RSPO2: variants seen among roughly 807,000 people sequenced by gnomAD.
RSPO2 encodes the protein R-spondin-2.
In RSPO2, 14 loss-of-function variants were observed where a neutral mutation model predicts 30.9. The observed-to-expected ratio is 0.45, with a 90% CI of 0.30 to 0.71. The LOEUF is 0.71. RSPO2 is among the 30% of genes least tolerant of loss of function. The pLI, the probability that RSPO2 is intolerant of heterozygous loss-of-function variation, is 0.08. For missense variants in RSPO2, 264 were observed against 301.9 expected (o/e 0.87, Z 0.93); for synonymous variants, 107 against 96.4 (o/e 1.11, Z -0.64).
intron 2 of RSPO2, among the ~76,000 whole-genome samples, chr8:108,001,344 T>C (rs910175892): frequency 7.2e-5 from 11 of 152,064 alleles, no homozygotes; most frequent in African/African-American, 2.7e-4. Flanking sequence ...CATAAACAAT[T>C]CCCCAAATGA....
chr8:108,041,878 G>C (rs757484052), intron 2 of RSPO2, among the ~76,000 whole-genome samples: 1 of 152,070 alleles, frequency 6.6e-6, no homozygotes, highest in Non-Finnish European at 1.5e-5. Flanking sequence ...AAGGGGAAGG[G>C]AGTAGGATAA....
chr8:107,976,617 C>T (rs1324067754), intron 3 of RSPO2, among the ~76,000 whole-genome samples: 1 of 152,134 alleles, frequency 6.6e-6, no homozygotes, highest in African/African-American at 2.4e-5. Context: ...ACAGTCTCTG[C>T]TAATTTTTAG....
rs373764805 is a variant in RSPO2 at position 107,900,107 on chromosome 8, A to G, written c.*968T>C. 3 of 152,206 alleles carry G rather than the reference A, an allele frequency of 2.0e-5. No homozygotes were observed. The highest frequency in any genetic ancestry group is 4.4e-5 in the Non-Finnish European group (3 of 68,036). The allele number at this position is 152,206 out of a possible 1,614,324, so 9.4% of individuals were successfully genotyped here. A position where few individuals can be genotyped will look rare whatever the true frequency, so the allele number is the denominator to read the frequency against. On this transcript the variant is annotated 3_prime_UTR_variant, in exon 6 of 6. Coordinates refer to ENST00000276659, the MANE Select transcript of RSPO2 (RefSeq NM_178565.5). ...TGAAACTGGCTACAAGTGACTGGAT[A>G]TAGTCCCTCATGTTTTCAGTTGTGT...
intron 3 of RSPO2, among the ~76,000 whole-genome samples, chr8:107,977,209 C>T (rs1051955025): frequency 6.6e-6 from 1 of 152,196 alleles, no homozygotes; most frequent in Admixed American, 6.5e-5. Context: ...GGTACTGAAA[C>T]TCGTCTTCCA....
intron 5 of RSPO2, among the ~76,000 whole-genome samples, chr8:107,953,908 C>A (rs1168567945): frequency 6.6e-6 from 1 of 152,194 alleles, no homozygotes. Flanking sequence ...CTGACCCATT[C>A]ACTAGCTCCC....
chr8:108,006,750 T>G (rs144559490), intron 2 of RSPO2, among the ~76,000 whole-genome samples: 1 of 152,314 alleles, frequency 6.6e-6, no homozygotes, highest in East Asian at 1.9e-4. Flanking sequence ...ACACCTTACC[T>G]GGTGTAAGTC....
chr8:107,905,537 A>T (rs1354393711), intron 5 of RSPO2, among the ~76,000 whole-genome samples: 1 of 152,060 alleles, frequency 6.6e-6, no homozygotes, highest in Non-Finnish European at 1.5e-5. Flanking sequence ...GTAATGCTCT[A>T]ACTTGAAACC....
rs1481828208 is a variant in RSPO2, at chr8:108,077,839, T to TA, written c.94+4705dup. ...AGAAAAAATAAGCTTCATGTCATCT[T>TA]AAATACAGAAATTTTAAAACTTTGT... On this transcript the variant is annotated intron_variant, in intron 2 of 5. Transcript: ENST00000276659. Among the ~76,000 whole-genome samples the TA allele has an allele frequency of 2.0e-5, 3 of 152,306 alleles. No homozygotes were observed. The East Asian group carries it at 5.8e-4, about 29-fold the overall frequency.
At chr8:108,024,988 C>T (rs1239573116) in intron 2 of RSPO2, among the ~76,000 whole-genome samples, 1 of 152,134 alleles carries the variant, frequency 6.6e-6, no homozygotes, top group Non-Finnish European at 1.5e-5. Context: ...CACTGTACTC[C>T]AGTCTGGGTG....
intron 3 of RSPO2, among the ~76,000 whole-genome samples, chr8:107,971,671 A>G (rs1814004689): frequency 6.6e-6 from 1 of 152,226 alleles, no homozygotes; most frequent in Non-Finnish European, 1.5e-5. Flanking sequence ...TCACAATGAC[A>G]AAATTAAGAT....
chr8:107,907,089 G>A lies in RSPO2; in HGVS notation c.617-5899C>T, dbSNP rs1186022683. On this transcript the variant is annotated intron_variant, in intron 5 of 5. Transcript: ENST00000276659. ...TTTACTTATTCACATAATGTAAATG[G>A]GCATATTTTAATTATTTTTATTTTA... 2.6e-5 allele frequency among the ~76,000 whole-genome samples: 4 copies of A among 151,000 alleles called. No individual in the cohort carries two copies. In the East Asian group the frequency reaches 7.8e-4, roughly 29 times the overall value.
At chr8:108,003,309 ATATTTTTTTTTTTTTTTT>A (rs1815339541) in intron 2 of RSPO2, among the ~76,000 whole-genome samples, 12 of 16,912 alleles carry the variant, frequency 7.1e-4, no homozygotes, top group South Asian at 3.1e-3. Flanking sequence ...ATATATATAT[ATATTTTTTTTTTTTTTTT>A]TTTTTTTTTT....
chr8:107,920,463 G>A (rs543952993), intron 5 of RSPO2, among the ~76,000 whole-genome samples: 1 of 152,172 alleles, frequency 6.6e-6, no homozygotes, highest in South Asian at 2.1e-4. Context: ...TGATCCTCTA[G>A]GGAAGTCTGC....
intron 2 of RSPO2, among the ~76,000 whole-genome samples, chr8:108,074,878 C>T (rs1033584347): frequency 6.6e-6 from 1 of 152,188 alleles, no homozygotes; most frequent in Non-Finnish European, 1.5e-5. Flanking sequence ...AGTGAAATGT[C>T]AGTGTTCTCC....
At chr8:108,030,519 G>A (rs1811386562) in intron 2 of RSPO2, among the ~76,000 whole-genome samples, 1 of 152,220 alleles carries the variant, frequency 6.6e-6, no homozygotes. Context: ...CTACCATGTG[G>A]TGACTGCATG....
At chr8:108,039,532 T>C (rs892665760) in intron 2 of RSPO2, among the ~76,000 whole-genome samples, 1 of 152,094 alleles carries the variant, frequency 6.6e-6, no homozygotes, top group African/African-American at 2.4e-5. Context: ...AAAGAATGCT[T>C]AAAGTGTATT....
intron 5 of RSPO2, among the ~76,000 whole-genome samples, chr8:107,928,473 A>G (rs1812453166): frequency 6.6e-6 from 1 of 152,172 alleles, no homozygotes; most frequent in South Asian, 2.1e-4. Context: ...TGTGCTTCTA[A>G]GCCTAACCTT....
intron 5 of RSPO2, among the ~76,000 whole-genome samples, chr8:107,948,458 T>C (rs1214139090): frequency 6.6e-6 from 1 of 152,156 alleles, no homozygotes; most frequent in East Asian, 1.9e-4. Context: ...TCATAACAAA[T>C]AGCTTTGACA....
intron 3 of RSPO2, among the ~76,000 whole-genome samples, chr8:107,975,730 G>A (rs1014392895): frequency 2.0e-5 from 3 of 152,128 alleles, no homozygotes; most frequent in Non-Finnish European, 4.4e-5. Context: ...GCCCTGGTGA[G>A]GTCACATTTT....
Sources: gnomAD v4.1 joint callset for allele counts (sites outside exome capture counted in the v4.1 genomes callset) on GRCh38, gnomAD v4.1.1 for gene constraint, MANE v1.5 for transcripts, NCBI Gene and HGNC (gene_info 2026-07-23, HGNC 2026-07-21) for gene names.